TSPAN9: variants seen among roughly 807,000 people sequenced by gnomAD.
The protein encoded by TSPAN9 is tetraspanin 9.
In TSPAN9, 16 loss-of-function variants were observed where a neutral mutation model predicts 31.0. The observed-to-expected ratio is 0.52, with a 90% CI of 0.35 to 0.78. The LOEUF (loss-of-function observed/expected upper bound fraction) is 0.78. TSPAN9 is among the 30% of genes least tolerant of loss of function. The pLI is 0.01. For missense variants in TSPAN9, 272 were observed against 312.5 expected (o/e 0.87, Z 0.98); for synonymous variants, 145 against 121.6 (o/e 1.19, Z -1.27).
At chr12:3,123,185 A>G (rs2098325895) in intron 2 of TSPAN9, among the ~76,000 whole-genome samples, 1 of 152,212 alleles carries the variant, frequency 6.6e-6, no homozygotes, top group Non-Finnish European at 1.5e-5. Context: ...AGATTTGTCC[A>G]GGGTTAGCTC....
chr12:3,199,777 GC>G (rs2098370164), intron 2 of TSPAN9, among the ~76,000 whole-genome samples: 1 of 152,140 alleles, frequency 6.6e-6, no homozygotes, highest in African/African-American at 2.4e-5. Context: ...CCCCGCAGAG[GC>G]CCCCGGCGCT....
intron 2 of TSPAN9, among the ~76,000 whole-genome samples, chr12:3,096,305 C>T (rs539492025): frequency 2.0e-4 from 31 of 152,182 alleles, no homozygotes; most frequent in Non-Finnish European, 4.3e-4. Context: ...CGATTCCCCA[C>T]GACTCCAGGG....
At chr12:3,162,920 C>T (rs1373897282) in intron 2 of TSPAN9, among the ~76,000 whole-genome samples, 1 of 152,188 alleles carries the variant, frequency 6.6e-6, no homozygotes, top group African/African-American at 2.4e-5. Context: ...AAGGTAGGGG[C>T]AGCAGAACGT....
intron 3 of TSPAN9, among the ~76,000 whole-genome samples, chr12:3,266,608 T>C (rs1862541663): frequency 6.6e-6 from 1 of 152,106 alleles, no homozygotes; most frequent in Non-Finnish European, 1.5e-5. Flanking sequence ...GGTCACAGTC[T>C]CCTGTGTGAC....
In TSPAN9 at chr12:3,220,145, C is replaced by CAAAAAAAAAAAAAAAAAAAAA. The variant is rs55735802; in HGVS notation, c.63+18903_63+18904insAAAAAAAAAAAAAAAAAAAAA. ...GGGTGACAAGAGCGAAACTCTGTCT[C>CAAAAAAAAAAAAAAAAAAAAA]AAAAAAAAAAAAAAGGAATGAATCT... On this transcript the variant is annotated intron_variant, in intron 3 of 8. Transcript: ENST00000011898. 2.6e-3 allele frequency among the ~76,000 whole-genome samples: 352 copies of CAAAAAAAAAAAAAAAAAAAAA among 137,228 alleles called. 3 individuals carry two copies. Among genetic ancestry groups the CAAAAAAAAAAAAAAAAAAAAA allele is most frequent in the African/African-American group, 7.8e-3 (272 of 34,788 alleles). 90.0% of individuals were successfully genotyped at this position (137,228 alleles called of 152,430 possible).
At chr12:3,241,593 T>G (rs1429482276) in intron 3 of TSPAN9, among the ~76,000 whole-genome samples, 1 of 152,218 alleles carries the variant, frequency 6.6e-6, no homozygotes, top group African/African-American at 2.4e-5. Context: ...AGAAACAGCC[T>G]GCATAATTTT....
intron 8 of TSPAN9, among the ~76,000 whole-genome samples, chr12:3,282,534 C>T (rs888444273): frequency 1.3e-5 from 2 of 152,222 alleles, no homozygotes; most frequent in African/African-American, 4.8e-5. Context: ...GCTGGGACTA[C>T]AGGCATATAC....
intron 3 of TSPAN9, among the ~76,000 whole-genome samples, chr12:3,205,726 C>G (rs72653448): frequency 2.8e-4 from 42 of 151,036 alleles, no homozygotes; most frequent in Middle Eastern, 3.4e-3. Flanking sequence ...AGGCCCCCCC[C>G]CCCCAGAGTG....
chr12:3,226,914 C>G (rs956327477), intron 3 of TSPAN9, among the ~76,000 whole-genome samples: 6 of 147,860 alleles, frequency 4.1e-5, no homozygotes, highest in African/African-American at 1.5e-4. Context: ...AATATGTGGT[C>G]TGAATCCTTC....
At chr12:3,155,768 G>T (rs1271577756) in intron 2 of TSPAN9, among the ~76,000 whole-genome samples, 3 of 152,140 alleles carry the variant, frequency 2.0e-5, no homozygotes, top group African/African-American at 7.2e-5. Flanking sequence ...TTCCCATCAC[G>T]CAGTGAGGAA....
chr12:3,228,129 G>T (rs958057551), intron 3 of TSPAN9, among the ~76,000 whole-genome samples: 2 of 152,140 alleles, frequency 1.3e-5, no homozygotes, highest in Non-Finnish European at 2.9e-5. Flanking sequence ...TGGGAGGACT[G>T]CTTGAGGCTA....
rs2153964794 is a variant in TSPAN9, at chr12:3,105,790, A to G, written c.-18+22071A>G. On this transcript the variant is annotated intron_variant, in intron 2 of 8. Transcript: ENST00000011898. ...CGCGCACGCACACACGCTCATACAC[A>G]CTCACGCACACATGCGCACACACGC... 2.6e-5 allele frequency among the ~76,000 whole-genome samples: 3 copies of G among 113,672 alleles called. No individual in the cohort carries two copies. The South Asian group carries it at 8.9e-4, about 34-fold the overall frequency. The allele number at this position is 113,672 out of a possible 152,430, so 74.6% of individuals were successfully genotyped here.
intron 3 of TSPAN9, among the ~76,000 whole-genome samples, chr12:3,239,253 T>C (rs1452167073): frequency 6.6e-6 from 1 of 151,412 alleles, no homozygotes; most frequent in Non-Finnish European, 1.5e-5. Context: ...TTCTCTGTTG[T>C]CACGTTCTTG....
intron 3 of TSPAN9, among the ~76,000 whole-genome samples, chr12:3,260,580 C>T (rs925648549): frequency 6.6e-5 from 10 of 152,170 alleles, no homozygotes; most frequent in Admixed American, 2.0e-4. Flanking sequence ...TCCTACTCTA[C>T]GCGAGGCACC....
At chr12:3,096,114 G>C (rs1282181048) in intron 2 of TSPAN9, among the ~76,000 whole-genome samples, 2 of 152,164 alleles carry the variant, frequency 1.3e-5, no homozygotes, top group Admixed American at 1.3e-4. Flanking sequence ...TCCTCCCGGC[G>C]GTCGGGCGGC....
intron 2 of TSPAN9, among the ~76,000 whole-genome samples, chr12:3,149,642 T>C (rs2098338905): frequency 6.6e-6 from 1 of 151,902 alleles, no homozygotes; most frequent in Non-Finnish European, 1.5e-5. Flanking sequence ...ACTTATTTTG[T>C]TTTTATTCTG....
chr12:3,276,258 G>A (rs1862784881), intron 3 of TSPAN9, among the ~76,000 whole-genome samples: 1 of 152,176 alleles, frequency 6.6e-6, no homozygotes, highest in African/African-American at 2.4e-5. Flanking sequence ...TCTCCAAACA[G>A]CAGCCAGAGT....
At chr12:3,229,101 C>G (rs923300729) in intron 3 of TSPAN9, among the ~76,000 whole-genome samples, 12 of 152,240 alleles carry the variant, frequency 7.9e-5, no homozygotes, top group African/African-American at 2.9e-4. Context: ...CAAATAAGGT[C>G]ACATTCACAG....
chr12:3,128,543 G>T (rs911977701), intron 2 of TSPAN9, among the ~76,000 whole-genome samples: 2 of 152,270 alleles, frequency 1.3e-5, no homozygotes, highest in African/African-American at 2.4e-5. Flanking sequence ...GGGCAACATA[G>T]TGAGACCCTG....
Sources: allele counts gnomAD v4.1 joint callset (sites outside exome capture counted in the v4.1 genomes callset), GRCh38; gene constraint gnomAD v4.1.1; transcripts MANE v1.5; gene names NCBI Gene and HGNC (gene_info 2026-07-23, HGNC 2026-07-21).